Variants in KIF6 observed in about 807,000 individuals in gnomAD.
KIF6 encodes kinesin-like protein KIF6.
KIF6 carries 106 observed loss-of-function variants against 112.7 expected under a neutral mutation model. The observed-to-expected ratio is 0.94, with a 90% CI of 0.80 to 1.11. The LOEUF (loss-of-function observed/expected upper bound fraction) is 1.11. KIF6 is among the 50% of genes least tolerant of loss of function. The pLI is 0.00. For missense variants in KIF6, 929 were observed against 964.0 expected (o/e 0.96, Z 0.48); for synonymous variants, 339 against 339.9 (o/e 1.00, Z 0.03).
At chr6:39,490,569 A>C (rs1262264634) in intron 13 of KIF6, among the ~76,000 whole-genome samples, 1 of 152,118 alleles carries the variant, frequency 6.6e-6, no homozygotes, top group Non-Finnish European at 1.5e-5. Context: ...TCGGGAAGGG[A>C]TTATCTAGCT....
At chr6:39,457,643 A>G (rs1397627884) in intron 13 of KIF6, among the ~76,000 whole-genome samples, 1 of 151,802 alleles carries the variant, frequency 6.6e-6, no homozygotes, top group Admixed American at 6.6e-5. Flanking sequence ...TAAAGAAAAA[A>G]AGAGAGAAGA....
chr6:39,505,814 C>A (rs1448072544), intron 13 of KIF6, among the ~76,000 whole-genome samples: 1 of 152,194 alleles, frequency 6.6e-6, no homozygotes, highest in Non-Finnish European at 1.5e-5. Flanking sequence ...CACCATCTTA[C>A]ACCAGTCAGA....
chr6:39,608,443 A>G (rs546741352), intron 6 of KIF6, among the ~76,000 whole-genome samples: 1 of 152,334 alleles, frequency 6.6e-6, no homozygotes, highest in Non-Finnish European at 1.5e-5. Flanking sequence ...CATATAATTT[A>G]TTGAAGACTG....
chr6:39,432,046 G>A (rs190496721), intron 13 of KIF6, among the ~76,000 whole-genome samples: 31 of 152,138 alleles, frequency 2.0e-4, no homozygotes, highest in Non-Finnish European at 3.7e-4. Context: ...CCTCCGTGGA[G>A]CTTTCGTCAA....
chr6:39,567,077 G>A (rs865809717), intron 10 of KIF6, among the ~76,000 whole-genome samples: 1 of 152,114 alleles, frequency 6.6e-6, no homozygotes, highest in Non-Finnish European at 1.5e-5. Flanking sequence ...AACATGATTT[G>A]CTTCTTTGTT....
At chr6:39,455,781 T>C (rs1264238313) in intron 13 of KIF6, among the ~76,000 whole-genome samples, 12 of 151,176 alleles carry the variant, frequency 7.9e-5, no homozygotes, top group Non-Finnish European at 1.8e-4. Context: ...CAATGGAAGA[T>C]GAAATGAATG....
At chr6:39,537,637 C>G (rs1177089684) in intron 13 of KIF6, among the ~76,000 whole-genome samples, 1 of 152,108 alleles carries the variant, frequency 6.6e-6, no homozygotes, top group African/African-American at 2.4e-5. Flanking sequence ...AATGGCCATA[C>G]TGCCCAAGGT....
At chr6:39,527,279 C>T (rs1386637494) in intron 13 of KIF6, among the ~76,000 whole-genome samples, 2 of 152,188 alleles carry the variant, frequency 1.3e-5, no homozygotes, top group African/African-American at 4.8e-5. Context: ...AGAAGCAGAG[C>T]CTTCCTTTAT....
At chr6:39,716,309 T>C (rs886756974) in intron 2 of KIF6, among the ~76,000 whole-genome samples, 14 of 34,068 alleles carry the variant, frequency 4.1e-4, no homozygotes, top group African/African-American at 1.1e-3. Flanking sequence ...GATATTGAAT[T>C]CCTTGGGGGA....
In KIF6 at chr6:39,590,527, C is replaced by T. The variant is rs146200303; in HGVS notation, c.847-4123G>A. On this transcript the variant is annotated intron_variant, in intron 7 of 22. Coordinates refer to ENST00000287152, the MANE Select transcript of KIF6 (RefSeq NM_145027.6). ...AGTGTAATAGCACAACCTGGGCTCA[C>T]TGGAACCTCTGCCTCCTGGATTCAA... Among the ~76,000 whole-genome samples the T allele has an allele frequency of 6.1e-5, 9 of 148,530 alleles. No homozygotes were observed. In the South Asian group the frequency reaches 1.5e-3, roughly 24 times the overall value.
intron 10 of KIF6, among the ~76,000 whole-genome samples, chr6:39,570,779 C>T (rs1051305503): frequency 5.9e-5 from 9 of 152,134 alleles, no homozygotes; most frequent in Non-Finnish European, 1.3e-4. Context: ...GAAGAAGGTG[C>T]CTGCTTCTCC....
At chr6:39,566,979 A>T (rs77798689) in intron 10 of KIF6, among the ~76,000 whole-genome samples, 265 of 152,334 alleles carry the variant, frequency 1.7e-3, no homozygotes, top group African/African-American at 5.9e-3. Context: ...ATCACTTGTA[A>T]TTCCAGTAAC....
At chr6:39,624,530 A>T (rs1354582755) in intron 5 of KIF6, among the ~76,000 whole-genome samples, 1 of 152,246 alleles carries the variant, frequency 6.6e-6, no homozygotes, top group Non-Finnish European at 1.5e-5. Flanking sequence ...AAAATGATGT[A>T]CTATCAGAAT....
chr6:39,385,424 G>T (rs577712188), intron 16 of KIF6, among the ~76,000 whole-genome samples, 198 bp downstream of exon 16: 1 of 152,126 alleles, frequency 6.6e-6, no homozygotes, highest in Admixed American at 6.6e-5. Context: ...TGATGGCCAG[G>T]CGCAAGAACA....
chr6:39,628,848 T>G (rs922027584), intron 5 of KIF6, among the ~76,000 whole-genome samples: 3 of 152,036 alleles, frequency 2.0e-5, no homozygotes, highest in African/African-American at 7.2e-5. Context: ...CCCGTCCCCC[T>G]CAATCTCTGA....
intron 3 of KIF6, among the ~76,000 whole-genome samples, chr6:39,700,340 GACA>G (rs1251999930): frequency 6.6e-6 from 1 of 152,166 alleles, no homozygotes; most frequent in Non-Finnish European, 1.5e-5. Context: ...TATAAACTGT[GACA>G]ACATTAAGGT....
intron 10 of KIF6, among the ~76,000 whole-genome samples, chr6:39,545,942 T>C (rs1779047620): frequency 1.3e-5 from 2 of 152,344 alleles, no homozygotes; most frequent in South Asian, 4.1e-4. Flanking sequence ...ATTTCTATGG[T>C]CCATCCATTC....
chr6:39,330,326 T>C lies in KIF6; in HGVS notation c.*6206A>G, dbSNP rs892674008. On this transcript the variant is annotated 3_prime_UTR_variant, in exon 23 of 23. Transcript: ENST00000287152. ...CATGAGGCCTGGACTATGTTAGGGG[T>C]GGCCTGCATGGATGACGTTGTTGGT... The C allele has an allele frequency of 6.6e-6, 1 of 152,178 alleles. No individual in the cohort carries two copies. The highest frequency in any genetic ancestry group is 1.5e-5 in the Non-Finnish European group (1 of 68,046). 9.4% of individuals were successfully genotyped at this position (152,178 alleles called of 1,614,324 possible). A position where few individuals can be genotyped will look rare whatever the true frequency, so the allele number is the denominator to read the frequency against.
At chr6:39,590,020 G>A in intron 7 of KIF6, among the ~76,000 whole-genome samples, 1 of 152,160 alleles carries the variant, frequency 6.6e-6, no homozygotes, top group East Asian at 1.9e-4. Flanking sequence ...GCAGTATGAA[G>A]GTCATCAGCA....
Sources: gnomAD v4.1 joint callset for allele counts (sites outside exome capture counted in the v4.1 genomes callset) on GRCh38, gnomAD v4.1.1 for gene constraint, MANE v1.5 for transcripts, NCBI Gene and HGNC (gene_info 2026-07-23, HGNC 2026-07-21) for gene names.